Variants in MAF observed in about 807,000 individuals in gnomAD.
MAF encodes transcription factor Maf.
MAF carries 10 observed loss-of-function variants against 22.0 expected under a neutral mutation model. That is an observed-to-expected ratio of 0.45 (90% CI 0.28 to 0.77). The LOEUF is 0.77. Ranked by LOEUF, MAF falls within the 30% of genes least tolerant of loss-of-function variation. The pLI is 0.12. For missense variants in MAF, 544 were observed against 548.4 expected, an observed-to-expected ratio of 0.99 and a Z score of 0.08; for synonymous variants, 337 against 255.8, an observed-to-expected ratio of 1.32 and a Z score of -3.03.
the MAF span, among the ~76,000 whole-genome samples, chr16:79,347,649 G>T: frequency 2.0e-5 from 3 of 152,162 alleles, no homozygotes; most frequent in African/African-American, 7.2e-5. Flanking sequence ...TAAATGATAT[G>T]CTGGCAGTCA....
chr16:79,321,152 A>G, the MAF span, among the ~76,000 whole-genome samples: 2 of 152,220 alleles, frequency 1.3e-5, no homozygotes, highest in Non-Finnish European at 2.9e-5. Flanking sequence ...GCATCTACAT[A>G]CAGTGATTCT....
the MAF span, among the ~76,000 whole-genome samples, chr16:79,399,073 C>G: frequency 3.9e-5 from 6 of 152,210 alleles, no homozygotes; most frequent in Admixed American, 1.3e-4. Flanking sequence ...CAGACAAGGA[C>G]TGACCTGGTC....
the MAF span, chr16:79,204,129 G>C: frequency 6.6e-6 from 1 of 151,924 alleles, no homozygotes; most frequent in Admixed American, 6.6e-5. Context: ...ACCAACCATG[G>C]AAGAATAGAT....
chr16:79,453,515 T>TGCCAATAG, the MAF span, among the ~76,000 whole-genome samples: 1 of 152,242 alleles, frequency 6.6e-6, no homozygotes, highest in African/African-American at 2.4e-5. Context: ...TAAGTATTCA[T>TGCCAATAG]ACACTACTAT....
the MAF span, among the ~76,000 whole-genome samples, chr16:79,447,818 C>G: frequency 2.0e-4 from 28 of 137,578 alleles, no homozygotes; most frequent in East Asian, 4.5e-3. Context: ...CGCTTGAGCC[C>G]AGGAGGTGGA....
the MAF span, among the ~76,000 whole-genome samples, chr16:79,576,198 T>TG: frequency 1.5e-5 from 2 of 129,454 alleles, no homozygotes; most frequent in Non-Finnish European, 3.1e-5. Context: ...AATGGTTTCA[T>TG]GGGGAGAGAT....
At chr16:79,376,152 T>C in the MAF span, among the ~76,000 whole-genome samples, 33 of 152,200 alleles carry the variant, frequency 2.2e-4, no homozygotes, top group Non-Finnish European at 4.3e-4. Context: ...AAAAGGTAAA[T>C]GTTACTTCTT....
At chr16:79,544,644 G>A in the MAF span, among the ~76,000 whole-genome samples, 2 of 151,640 alleles carry the variant, frequency 1.3e-5, no homozygotes, top group East Asian at 3.9e-4. Context: ...CGTGGTGGCA[G>A]GTACCTGTAG....
chr16:79,387,236 C>G, the MAF span, among the ~76,000 whole-genome samples: 1 of 152,210 alleles, frequency 6.6e-6, no homozygotes, highest in African/African-American at 2.4e-5. Context: ...CTGGGTGCTG[C>G]TAAGCATTTG....
chr16:79,426,570 C>A, the MAF span, among the ~76,000 whole-genome samples: 1 of 152,194 alleles, frequency 6.6e-6, no homozygotes, highest in Non-Finnish European at 1.5e-5. Context: ...TGAGACTCTG[C>A]AGCCAGCTAC....
chr16:79,248,203 A>G, the MAF span, among the ~76,000 whole-genome samples: 49 of 152,126 alleles, frequency 3.2e-4, no homozygotes, highest in African/African-American at 1.1e-3. Flanking sequence ...CTCATGGTTA[A>G]GCCAAGCAGA....
the MAF span, among the ~76,000 whole-genome samples, chr16:79,278,378 A>C: frequency 6.6e-6 from 1 of 152,220 alleles, no homozygotes; most frequent in Non-Finnish European, 1.5e-5. Flanking sequence ...TTTCTTCTGG[A>C]AGCGAAATCC....
At chr16:79,457,271 G>A in the MAF span, among the ~76,000 whole-genome samples, 6 of 152,202 alleles carry the variant, frequency 3.9e-5, no homozygotes, top group African/African-American at 1.4e-4. Flanking sequence ...CTCGTTTCAT[G>A]GGAGATGTAA....
the MAF span, among the ~76,000 whole-genome samples, chr16:79,330,917 C>T: frequency 3.9e-5 from 6 of 152,212 alleles, no homozygotes; most frequent in Non-Finnish European, 5.9e-5. Context: ...GCAAAGCCAC[C>T]TTCCTTATTG....
chr16:79,502,708 A>AATAAATAAATATATAT, the MAF span, among the ~76,000 whole-genome samples: 2 of 34,008 alleles, frequency 5.9e-5, no homozygotes, highest in Admixed American at 1.1e-3. Flanking sequence ...TATAAATATA[A>AATAAATAAATATATAT]ATATATATAT....
At chr16:79,211,944 T>TTAAG in the MAF span, 9 of 1,537,150 alleles carry the variant, frequency 5.9e-6, no homozygotes, top group Admixed American at 5.9e-5. Context: ...GTGAAAAATC[T>TTAAG]TAAGTACCAA....
the MAF span, among the ~76,000 whole-genome samples, chr16:79,337,459 T>C: frequency 6.6e-6 from 1 of 152,028 alleles, no homozygotes; most frequent in Admixed American, 6.5e-5. Flanking sequence ...TCCCAGCTAC[T>C]CAGGAGGCTG....
chr16:79,295,939 G>C, the MAF span, among the ~76,000 whole-genome samples: 1 of 152,194 alleles, frequency 6.6e-6, no homozygotes, highest in Non-Finnish European at 1.5e-5. Context: ...CTCTGCTCTG[G>C]GCCTTCCTAA....
the MAF span, chr16:79,205,370 GTTT>G: frequency 3.3e-5 from 5 of 152,156 alleles, no homozygotes; most frequent in African/African-American, 9.7e-5. Context: ...GGAGCCTGAG[GTTT>G]TTCTACCTTT....
Sources: gnomAD v4.1 joint callset for allele counts (sites outside exome capture counted in the v4.1 genomes callset) on GRCh38, gnomAD v4.1.1 for gene constraint, MANE v1.5 for transcripts, NCBI Gene and HGNC (gene_info 2026-07-23, HGNC 2026-07-21) for gene names.